CACNA2D1: variants seen among roughly 807,000 people sequenced by gnomAD.
CACNA2D1 encodes calcium voltage-gated channel auxiliary subunit alpha2delta 1.
In CACNA2D1, 53 loss-of-function variants were observed where a neutral mutation model predicts 171.5. The observed-to-expected ratio is 0.31, with a 90% CI of 0.25 to 0.39. The LOEUF is 0.39. Among genes scored for constraint, CACNA2D1 ranks in the 10% least tolerant of loss-of-function variants. CACNA2D1 has a pLI of 1.00. For synonymous variants in CACNA2D1, 442 were observed against 443.1 expected (o/e 1.00, Z 0.03); for missense variants, 903 against 1,299.8 (o/e 0.69, Z 4.69).
At chr7:82,374,968 T>A (rs1822852759) in intron 1 of CACNA2D1, among the ~76,000 whole-genome samples, 1 of 152,122 alleles carries the variant, frequency 6.6e-6, no homozygotes, top group African/African-American at 2.4e-5. Context: ...CGTAGCTGGA[T>A]TTAGAATTCA....
At chr7:82,401,317 CAAT>C in intron 1 of CACNA2D1, among the ~76,000 whole-genome samples, 1 of 151,364 alleles carries the variant, frequency 6.6e-6, no homozygotes, top group East Asian at 1.9e-4. Context: ...AAATGTCCAA[CAAT>C]GATAGACTGG....
At chr7:82,261,015 C>T (rs965141658) in intron 3 of CACNA2D1, among the ~76,000 whole-genome samples, 2 of 151,298 alleles carry the variant, frequency 1.3e-5, no homozygotes, top group East Asian at 1.9e-4. Context: ...AGTGCAGTAG[C>T]GCAGTCTCGG....
chr7:81,993,203 A>C (rs1192476994), intron 20 of CACNA2D1, among the ~76,000 whole-genome samples: 1 of 152,170 alleles, frequency 6.6e-6, no homozygotes, highest in African/African-American at 2.4e-5. Flanking sequence ...TTTACAAATT[A>C]ATTTCAGACA....
intron 5 of CACNA2D1, among the ~76,000 whole-genome samples, chr7:82,134,743 C>T (rs1791408308): frequency 6.6e-6 from 1 of 152,100 alleles, no homozygotes; most frequent in Non-Finnish European, 1.5e-5. Context: ...TTCACTTACA[C>T]ATTTTTTTCT....
intron 3 of CACNA2D1, among the ~76,000 whole-genome samples, chr7:82,269,730 T>C (rs141446784): frequency 6.6e-6 from 1 of 152,290 alleles, no homozygotes; most frequent in Non-Finnish European, 1.5e-5. Context: ...GAGTGAATGA[T>C]TGAGGCATCA....
chr7:82,311,254 T>C (rs1373797249), intron 3 of CACNA2D1, among the ~76,000 whole-genome samples: 1 of 152,078 alleles, frequency 6.6e-6, no homozygotes, highest in East Asian at 1.9e-4. Flanking sequence ...TAAAATGGTA[T>C]GTCTTCAAGG....
At chr7:82,178,889 A>G (rs1460426008) in intron 3 of CACNA2D1, among the ~76,000 whole-genome samples, 2 of 152,124 alleles carry the variant, frequency 1.3e-5, no homozygotes, top group African/African-American at 4.8e-5. Flanking sequence ...TATCTTATAC[A>G]ACGTGCAGAA....
At chr7:82,261,648 C>A (rs148385628) in intron 3 of CACNA2D1, among the ~76,000 whole-genome samples, 377 of 152,056 alleles carry the variant, frequency 2.5e-3, no homozygotes, top group African/African-American at 6.9e-3. Flanking sequence ...AAGATTATAA[C>A]CAACATATAG....
intron 7 of CACNA2D1, among the ~76,000 whole-genome samples, chr7:82,070,882 T>C (rs967479336): frequency 6.6e-6 from 1 of 152,168 alleles, no homozygotes; most frequent in Non-Finnish European, 1.5e-5. Flanking sequence ...TTTTCTGTAC[T>C]CAGCAATGTC....
intron 4 of CACNA2D1, among the ~76,000 whole-genome samples, chr7:82,166,822 C>G (rs1183564907): frequency 6.6e-6 from 1 of 151,970 alleles, no homozygotes; most frequent in Admixed American, 6.6e-5. Flanking sequence ...TTAGGGTGTA[C>G]GCCCTTTGTT....
At chr7:82,311,622 C>A (rs1585439865) in intron 3 of CACNA2D1, among the ~76,000 whole-genome samples, 1 of 152,130 alleles carries the variant, frequency 6.6e-6, no homozygotes, top group Non-Finnish European at 1.5e-5. Context: ...ATTTACCTTT[C>A]TACTGCTCTC....
chr7:82,219,417 C>G (rs1227147719), intron 3 of CACNA2D1, among the ~76,000 whole-genome samples: 1 of 151,956 alleles, frequency 6.6e-6, no homozygotes, highest in Non-Finnish European at 1.5e-5. Context: ...CATTCCACAT[C>G]TACATTTCTG....
intron 15 of CACNA2D1, among the ~76,000 whole-genome samples, chr7:82,008,702 C>T (rs865950629): frequency 6.6e-6 from 1 of 152,174 alleles, no homozygotes; most frequent in African/African-American, 2.4e-5. Flanking sequence ...ATCCAAATCT[C>T]AAGAACTCAG....
intron 4 of CACNA2D1, among the ~76,000 whole-genome samples, chr7:82,155,682 C>T (rs1166873719): frequency 6.6e-6 from 1 of 152,110 alleles, no homozygotes; most frequent in Non-Finnish European, 1.5e-5. Context: ...CTAAAGTGGT[C>T]TCTGCTTCCG....
chr7:82,085,676 A>C (rs1289655709), intron 6 of CACNA2D1, among the ~76,000 whole-genome samples: 11 of 149,902 alleles, frequency 7.3e-5, no homozygotes. Context: ...CACTACCTTC[A>C]TAAACAATAG....
chr7:82,188,300 G>C (rs1797966464), intron 3 of CACNA2D1, among the ~76,000 whole-genome samples: 1 of 151,794 alleles, frequency 6.6e-6, no homozygotes, highest in Non-Finnish European at 1.5e-5. Flanking sequence ...TTGTAAAGAA[G>C]GTAGGAAGCA....
Position 82,256,525 on chromosome 7 carries a change from T to C in CACNA2D1, c.294+78610A>G, listed in dbSNP as rs1806329154. Among the ~76,000 whole-genome samples, 3 of 152,186 alleles carry C rather than the reference T, an allele frequency of 2.0e-5. No individual in the cohort carries two copies. In the South Asian group the frequency reaches 6.2e-4, roughly 32 times the overall value. On this transcript the variant is annotated intron_variant, in intron 3 of 38. Coordinates refer to ENST00000356860, the MANE Select transcript of CACNA2D1 (RefSeq NM_000722.4). Reference sequence around the variant, plus strand: ...CTGGTTATGAAGAGCATGTAATCATTGCATGCCTACATGGTGTAGGAAAAT... The same window carrying C: ...CTGGTTATGAAGAGCATGTAATCATCGCATGCCTACATGGTGTAGGAAAAT...
At chr7:81,995,755 C>A (rs183389094) in intron 19 of CACNA2D1, among the ~76,000 whole-genome samples, 1 of 146,728 alleles carries the variant, frequency 6.8e-6, no homozygotes, top group African/African-American at 2.6e-5. Flanking sequence ...GCTGAGATTG[C>A]GCCACTGCAC....
intron 9 of CACNA2D1, among the ~76,000 whole-genome samples, 174 bp downstream of exon 9, chr7:82,064,130 A>G (rs1198885625): frequency 6.6e-6 from 1 of 152,050 alleles, no homozygotes; most frequent in East Asian, 1.9e-4. Context: ...TTAATTAAAT[A>G]ATTTGTTTTA....
Sources: allele counts gnomAD v4.1 joint callset (sites outside exome capture counted in the v4.1 genomes callset), GRCh38; gene constraint gnomAD v4.1.1; transcripts MANE v1.5; gene names NCBI Gene and HGNC (gene_info 2026-07-23, HGNC 2026-07-21).